FBXW4: variants seen among roughly 807,000 people sequenced by gnomAD.
FBXW4 encodes the protein F-box and WD repeat domain containing 4.
FBXW4 carries 40 observed loss-of-function variants against 61.8 expected under a neutral mutation model. That is an observed-to-expected ratio of 0.65 (90% CI 0.50 to 0.84). The LOEUF is 0.84. Ranked by LOEUF, FBXW4 falls within the 40% of genes least tolerant of loss-of-function variation. The pLI, the probability that FBXW4 is intolerant of heterozygous loss-of-function variation, is 0.00. For synonymous variants in FBXW4, 311 were observed against 313.8 expected (o/e 0.99, Z 0.10); for missense variants, 672 against 753.8 (o/e 0.89, Z 1.27).
Position 101,611,159 on chromosome 10 carries a change from GC to G in FBXW4, c.*131del. 8.3e-7 allele frequency: 1 copy of G among 1,209,488 alleles called. No individual in the cohort carries two copies. 74.9% of individuals were successfully genotyped at this position (1,209,488 alleles called of 1,614,324 possible). The stretch of plus-strand genomic sequence containing the variant: ...GAGTCAGAAGCCTCTAGTGCAAGGT[GC>G]CTGAGCACTGGGGTCACAGGCCCAG... On this transcript the variant is annotated 3_prime_UTR_variant, in exon 9 of 9. Transcript: ENST00000331272. This position sits in a 1 kb window ranked among gnomAD's most constrained non-coding sequence, Gnocchi z 4.9.
chr10:101,690,862 A>G (rs1341867771), intron 1 of FBXW4, among the ~76,000 whole-genome samples: 2 of 152,186 alleles, frequency 1.3e-5, no homozygotes, highest in Non-Finnish European at 2.9e-5. Context: ...CTTTGTCTTT[A>G]GTCAGCACCT....
intron 4 of FBXW4, 42 bp from the exon 5 acceptor site, chr10:101,668,022 G>T: frequency 6.7e-7 from 1 of 1,502,126 alleles, no homozygotes; most frequent in Non-Finnish European, 9.3e-7. Flanking sequence ...CATTGCCTGG[G>T]ATCAGTGGGG....
At chr10:101,621,247 C>T (rs1024182588) in intron 6 of FBXW4, among the ~76,000 whole-genome samples, 1 of 152,226 alleles carries the variant, frequency 6.6e-6, no homozygotes, top group African/African-American at 2.4e-5. Flanking sequence ...CCTCCACAAG[C>T]CAGGCACAAT....
At chr10:101,644,446 C>G (rs1307725188) in intron 5 of FBXW4, among the ~76,000 whole-genome samples, 1 of 152,208 alleles carries the variant, frequency 6.6e-6, no homozygotes, top group South Asian at 2.1e-4. Flanking sequence ...TTGACTTGTA[C>G]TTAGCACCAC....
chr10:101,692,350 G>A (rs2064615180), intron 1 of FBXW4, among the ~76,000 whole-genome samples: 1 of 151,084 alleles, frequency 6.6e-6, no homozygotes, highest in African/African-American at 2.4e-5. Flanking sequence ...GGCAAAATAA[G>A]CTGTCCAAAA....
intron 5 of FBXW4, among the ~76,000 whole-genome samples, chr10:101,645,371 G>A (rs1043370272): frequency 4.6e-5 from 7 of 152,132 alleles, no homozygotes; most frequent in African/African-American, 1.4e-4. Context: ...AACTGGCTTG[G>A]CTCCCCAGTC....
chr10:101,676,386 C>A lies in FBXW4; in HGVS notation c.776G>T (p.Arg259Ile). 1 of 1,613,910 alleles carries A rather than the reference C, an allele frequency of 6.2e-7. No individual in the cohort carries two copies. The change falls in exon 2 of 9, where the codon AGA becomes ATA. Residue 259 changes from arginine (R) to isoleucine (I), a missense_variant. By Grantham distance (97) the Arg-to-Ile change is moderately conservative (BLOSUM62 -3). Transcript: ENST00000331272. ...AATCCCCTCTCGGCAGCGCCCCAGT[C>A]TCCAGTTCTGAGACACCTTCACTCG... ...KERVKVSQNW[R>I]LGRCREGILL...
chr10:101,650,278 C>G (rs1365563057), intron 5 of FBXW4, among the ~76,000 whole-genome samples: 1 of 152,202 alleles, frequency 6.6e-6, no homozygotes, highest in African/African-American at 2.4e-5. Context: ...CTTCAACTGC[C>G]TGAGATGAGC....
At chr10:101,659,545 G>A (rs2064222777) in intron 5 of FBXW4, 2 of 369,306 alleles carry the variant, frequency 5.4e-6, no homozygotes, top group African/African-American at 2.2e-5. Flanking sequence ...GATGCTTCAT[G>A]TGTGTCTAGT....
intron 5 of FBXW4, among the ~76,000 whole-genome samples, chr10:101,644,550 C>A (rs1479281172): frequency 6.6e-6 from 1 of 152,110 alleles, no homozygotes; most frequent in African/African-American, 2.4e-5. Flanking sequence ...AGCAGGGTGG[C>A]CACAGTGCTG....
At chr10:101,650,961 G>A (rs1467591515) in intron 5 of FBXW4, among the ~76,000 whole-genome samples, 1 of 152,176 alleles carries the variant, frequency 6.6e-6, no homozygotes, top group Admixed American at 6.5e-5. Context: ...GGGAAATAAC[G>A]CCACTATGCC....
At chr10:101,650,050 G>C (rs933298658) in intron 5 of FBXW4, among the ~76,000 whole-genome samples, 1 of 152,160 alleles carries the variant, frequency 6.6e-6, no homozygotes, top group Admixed American at 6.5e-5. Flanking sequence ...TCATGCATAG[G>C]CATCTTGTCT....
chr10:101,623,881 TTA>T (rs1260073497), intron 6 of FBXW4, among the ~76,000 whole-genome samples: 1 of 152,002 alleles, frequency 6.6e-6, no homozygotes, highest in Non-Finnish European at 1.5e-5. Flanking sequence ...AATGACAAAA[TTA>T]TAGAGATGGA....
At chr10:101,614,706 C>A (rs2063812961) in intron 6 of FBXW4, among the ~76,000 whole-genome samples, 1 of 152,192 alleles carries the variant, frequency 6.6e-6, no homozygotes, top group Non-Finnish European at 1.5e-5. Flanking sequence ...GATACAATTT[C>A]TTTTGCCCCT....
At chr10:101,689,323 G>T (rs1564928601) in intron 1 of FBXW4, among the ~76,000 whole-genome samples, 1 of 152,156 alleles carries the variant, frequency 6.6e-6, no homozygotes, top group Non-Finnish European at 1.5e-5. Flanking sequence ...GATATAAACA[G>T]CTTCTGTATT....
chr10:101,642,105 G>A (rs1470065964), intron 5 of FBXW4, among the ~76,000 whole-genome samples: 1 of 152,164 alleles, frequency 6.6e-6, no homozygotes, highest in East Asian at 1.9e-4. Flanking sequence ...GGCAGAGGTT[G>A]CAGTGAGCCG....
At chr10:101,664,562 G>A (rs1260096589) in intron 5 of FBXW4, among the ~76,000 whole-genome samples, 1 of 152,194 alleles carries the variant, frequency 6.6e-6, no homozygotes, top group East Asian at 1.9e-4. Flanking sequence ...GGTGGTCATT[G>A]AGGGCAGGAA....
chr10:101,612,341 C>T lies in FBXW4; in HGVS notation c.1438G>A (p.Val480Ile), dbSNP rs199576249. The T allele has an allele frequency of 4.3e-5, 68 of 1,564,260 alleles. No homozygotes were observed. In the African/African-American group the frequency reaches 6.5e-4, roughly 15 times the overall value. Reference protein sequence around the residue: ...YVRYWDLRTSVRKCVMEWEEP... With the variant: ...YVRYWDLRTSIRKCVMEWEEP... ...CTCCCTGCCCAGCACACTCACCGGACGCTGGTGCGGAGGTCCCAGTAGCGA... is the reference window on the plus strand; with the variant it reads ...CTCCCTGCCCAGCACACTCACCGGATGCTGGTGCGGAGGTCCCAGTAGCGA... The change falls in exon 7 of 9, where the codon GTC (valine) becomes ATC (isoleucine). Residue 480 changes from valine (V) to isoleucine (I), a missense_variant. By Grantham distance (29) the Val-to-Ile change is conservative (BLOSUM62 3). This residue lies in a region of FBXW4 where 312 missense variants were observed against 370.1 expected (regional missense o/e 0.84). Coordinates refer to ENST00000331272, the MANE Select transcript of FBXW4 (RefSeq NM_022039.4).
At chr10:101,623,725 A>G (rs888523917) in intron 6 of FBXW4, among the ~76,000 whole-genome samples, 1 of 152,256 alleles carries the variant, frequency 6.6e-6, no homozygotes, top group African/African-American at 2.4e-5. Flanking sequence ...TATCCATACC[A>G]TGGAATACTA....
Sources: allele counts gnomAD v4.1 joint callset (sites outside exome capture counted in the v4.1 genomes callset), GRCh38; gene constraint gnomAD v4.1.1; regional missense constraint gnomAD v4.1.1; non-coding constraint Gnocchi (gnomAD v3.1); transcripts MANE v1.5; gene names NCBI Gene and HGNC (gene_info 2026-07-23, HGNC 2026-07-21).